Variants in ERC1 observed in about 807,000 individuals in gnomAD.
ERC1 encodes RAB6 interacting protein 2.
In ERC1, 56 loss-of-function variants were observed where a neutral mutation model predicts 132.0. That is an observed-to-expected ratio of 0.42 (90% CI 0.34 to 0.53). The LOEUF (loss-of-function observed/expected upper bound fraction) is 0.53, where lower values mean the gene tolerates loss of function less well. Ranked by LOEUF, ERC1 falls within the 20% of genes least tolerant of loss-of-function variation. ERC1 has a pLI of 0.03. For missense variants in ERC1, 1,202 were observed against 1,349.9 expected (o/e 0.89, Z 1.72); for synonymous variants, 478 against 476.1 (o/e 1.00, Z -0.05).
In ERC1 at chr12:1,255,919, G is replaced by A. The variant is rs1041175558; in HGVS notation, c.2488-7115G>A. On this transcript the variant is annotated intron_variant, in intron 13 of 18. Coordinates refer to ENST00000360905, the MANE Select transcript of ERC1 (RefSeq NM_178040.4). ...CTCCCAAAGTGCTGGGATTACAGGCGTGAGTTTAATGATCGCCATTCTAAC... is the reference window on the plus strand; with the variant it reads ...CTCCCAAAGTGCTGGGATTACAGGCATGAGTTTAATGATCGCCATTCTAAC... Among the ~76,000 whole-genome samples, 10 of 151,888 alleles carry A rather than the reference G, an allele frequency of 6.6e-5. No individual in the cohort carries two copies. The South Asian group carries it at 1.0e-3, about 16-fold the overall frequency.
chr12:1,083,417 C>A lies in ERC1; in HGVS notation c.923C>A (p.Ser308Tyr), dbSNP rs1225037149. ...QKQTLNARDE[S>Y]IKKLLEMLQS... Reference sequence around the variant, plus strand: ...CAGACCCTAAATGCTCGGGATGAATCCATTAAGAAGCTTCTGGAAATGTTG... The same window carrying A: ...CAGACCCTAAATGCTCGGGATGAATACATTAAGAAGCTTCTGGAAATGTTG... Residue 308 changes from serine to tyrosine, a missense_variant, in exon 3 of 19, where the codon TCC becomes TAC. Physicochemically the swap from Ser to Tyr is moderately radical, Grantham distance 144. Coordinates refer to ENST00000360905, the MANE Select transcript of ERC1 (RefSeq NM_178040.4). The A allele has an allele frequency of 1.2e-6, 2 of 1,614,002 alleles. No homozygotes were observed. Among genetic ancestry groups the A allele is most frequent in the East Asian group, 4.5e-5 (2 of 44,898 alleles).
At chr12:1,020,658 T>C (rs1274227475) in intron 1 of ERC1, 2 of 152,188 alleles carry the variant, frequency 1.3e-5, no homozygotes, top group East Asian at 3.9e-4. Context: ...TTTCTGAATA[T>C]GTGACTCTCT....
chr12:1,438,686 T>C (rs1229056641), intron 17 of ERC1, among the ~76,000 whole-genome samples: 1 of 152,102 alleles, frequency 6.6e-6, no homozygotes, highest in Non-Finnish European at 1.5e-5. Flanking sequence ...TCAGGCCTGT[T>C]ATCCTAGCAC....
chr12:1,352,715 A>G (rs1167487161), intron 15 of ERC1, among the ~76,000 whole-genome samples: 1 of 152,242 alleles, frequency 6.6e-6, no homozygotes, highest in African/African-American at 2.4e-5. Context: ...GGTCGCAGAC[A>G]TTTGAGAGAA....
At chr12:1,015,196 AC>A (rs1258066634) in intron 1 of ERC1, among the ~76,000 whole-genome samples, 1 of 151,714 alleles carries the variant, frequency 6.6e-6, no homozygotes, top group Admixed American at 6.6e-5. Flanking sequence ...AGTAACTGGT[AC>A]TACAGGCACA....
At chr12:1,185,290 A>G (rs1954948659) in intron 11 of ERC1, among the ~76,000 whole-genome samples, 1 of 151,764 alleles carries the variant, frequency 6.6e-6, no homozygotes, top group Non-Finnish European at 1.5e-5. Context: ...TCCTTCTGCC[A>G]TGGCCTCCCA....
chr12:1,483,714 G>C (rs1436557670), intron 18 of ERC1, among the ~76,000 whole-genome samples: 1 of 90,646 alleles, frequency 1.1e-5, no homozygotes, highest in South Asian at 3.9e-4. Flanking sequence ...TTTGGAGACA[G>C]AGTCTTGCTC....
intron 2 of ERC1, among the ~76,000 whole-genome samples, chr12:1,073,278 C>T (rs866476653): frequency 1.3e-5 from 2 of 149,750 alleles, no homozygotes; most frequent in South Asian, 2.1e-4. Context: ...TCCAGCCTAG[C>T]GACAGAGCAA....
At chr12:1,484,235 G>A (rs1041952148) in intron 18 of ERC1, among the ~76,000 whole-genome samples, 5 of 151,804 alleles carry the variant, frequency 3.3e-5, no homozygotes, top group African/African-American at 4.8e-5. Flanking sequence ...AACCTGGGAT[G>A]TGGAGCTTGC....
chr12:1,296,401 C>CTTTTTTTTTTTTTTTTTTTTTTT (rs57458560), intron 15 of ERC1, among the ~76,000 whole-genome samples: 2 of 76,208 alleles, frequency 2.6e-5, no homozygotes, highest in African/African-American at 5.7e-5. Flanking sequence ...ATTGGATAGT[C>CTTTTTTTTTTTTTTTTTTTTTTT]TTTTTTTTTT....
intron 12 of ERC1, among the ~76,000 whole-genome samples, chr12:1,194,376 A>G (rs1336870430): frequency 6.6e-6 from 1 of 152,076 alleles, no homozygotes; most frequent in Non-Finnish European, 1.5e-5. Flanking sequence ...AGCCAAGATC[A>G]TGCCATCGCC....
intron 2 of ERC1, among the ~76,000 whole-genome samples, chr12:1,059,743 T>C (rs933230088): frequency 1.3e-5 from 2 of 152,198 alleles, no homozygotes; most frequent in Non-Finnish European, 2.9e-5. Context: ...TTTGCTAGTA[T>C]GTTGTTGAGG....
chr12:1,077,973 C>T lies in ERC1; in HGVS notation c.670-5191C>T, dbSNP rs149360811. Among the ~76,000 whole-genome samples the T allele has an allele frequency of 4.2e-3, 645 of 152,252 alleles. 1 individual carries two copies. The highest frequency in any genetic ancestry group is 7.1e-3 in the Non-Finnish European group (484 of 67,996). ...AGACTTCTAGGCTACCAAGTCAGAGCATTGTTTTATTTTTATACTATAGTA... is the reference window on the plus strand; with the variant it reads ...AGACTTCTAGGCTACCAAGTCAGAGTATTGTTTTATTTTTATACTATAGTA... On this transcript the variant is annotated intron_variant, in intron 2 of 18. Transcript: ENST00000360905.
chr12:1,243,668 T>C (rs1366076866), intron 13 of ERC1, among the ~76,000 whole-genome samples: 4 of 152,192 alleles, frequency 2.6e-5, no homozygotes, highest in African/African-American at 9.7e-5. Context: ...TAAGGAATCT[T>C]TGGCACTGTC....
chr12:1,488,282 C>T (rs1486800951), intron 18 of ERC1, among the ~76,000 whole-genome samples: 1 of 152,100 alleles, frequency 6.6e-6, no homozygotes, highest in Admixed American at 6.6e-5. Flanking sequence ...GTACGCAGCT[C>T]CCTTTTTGCT....
chr12:1,167,060 G>A (rs915045525), intron 8 of ERC1, among the ~76,000 whole-genome samples: 3 of 152,148 alleles, frequency 2.0e-5, no homozygotes, highest in African/African-American at 7.2e-5. Context: ...TGTTCTCAGA[G>A]TCTTGCAAGT....
In ERC1 at chr12:1,083,471, C is replaced by G. The variant is rs2154189296; in HGVS notation, c.977C>G (p.Thr326Ser). 1 of 1,614,098 alleles carries G rather than the reference C, an allele frequency of 6.2e-7. No homozygotes were observed. Among genetic ancestry groups the G allele is most frequent in the East Asian group, 2.2e-5 (1 of 44,882 alleles). Residue 326 changes from threonine to serine, a missense_variant, in exon 3 of 19, where the codon ACC becomes AGC. By Grantham distance (58) the Thr-to-Ser change is moderately conservative. Coordinates refer to ENST00000360905, the MANE Select transcript of ERC1 (RefSeq NM_178040.4). ...LQSKGLSAKA[T>S]EEDHERTRRL... ...AGCAAAGGACTTTCTGCCAAGGCTA[C>G]CGAGGAAGACCATGAGAGAACAAGA...
intron 15 of ERC1, among the ~76,000 whole-genome samples, chr12:1,362,428 A>G (rs1033741142): frequency 1.3e-5 from 2 of 151,570 alleles, no homozygotes; most frequent in African/African-American, 4.9e-5. Flanking sequence ...TGATCTTCAG[A>G]GCTCTGTCTC....
chr12:1,027,029 CAG>C (rs1967005066), intron 1 of ERC1, among the ~76,000 whole-genome samples: 1 of 152,210 alleles, frequency 6.6e-6, no homozygotes, highest in Non-Finnish European at 1.5e-5. Context: ...TCCATGAACA[CAG>C]ATAACTTTGT....
Sources: allele counts gnomAD v4.1 joint callset (sites outside exome capture counted in the v4.1 genomes callset), GRCh38; gene constraint gnomAD v4.1.1; transcripts MANE v1.5; gene names NCBI Gene and HGNC (gene_info 2026-07-23, HGNC 2026-07-21).